Variants in TENM3 observed in about 807,000 individuals in gnomAD.
TENM3 encodes the protein teneurin-3.
Under a neutral mutation model 255.1 loss-of-function variants are expected in TENM3, and 63 were observed. The ratio of observed to expected loss-of-function variants is 0.25; its 90% CI spans 0.20 to 0.30. The LOEUF is 0.30. Among genes scored for constraint, TENM3 ranks in the 10% least tolerant of loss-of-function variants. The pLI is 1.00. For synonymous variants in TENM3, 1,306 were observed against 1,322.3 expected, an observed-to-expected ratio of 0.99 and a Z score of 0.27; for missense variants, 2,929 against 3,461.1, an observed-to-expected ratio of 0.85 and a Z score of 3.86.
the TENM3 span, among the ~76,000 whole-genome samples, chr4:181,867,809 A>G: frequency 6.6e-6 from 1 of 152,182 alleles, no homozygotes; most frequent in Admixed American, 6.5e-5. Context: ...CTGCCGCAAA[A>G]TTGAGAGAGA....
At chr4:181,587,711 A>G in the TENM3 span, among the ~76,000 whole-genome samples, 1 of 152,192 alleles carries the variant, frequency 6.6e-6, no homozygotes, top group Admixed American at 6.5e-5. Flanking sequence ...GATTTCTTCA[A>G]TCTGGGCACC....
At chr4:181,991,309 T>C in the TENM3 span, among the ~76,000 whole-genome samples, 2 of 152,112 alleles carry the variant, frequency 1.3e-5, no homozygotes, top group Non-Finnish European at 1.5e-5. Context: ...GCAGCAAAAA[T>C]TGATGAAGCC....
At chr4:182,314,334 G>A (rs1762628910) in intron 1 of TENM3, among the ~76,000 whole-genome samples, 1 of 151,982 alleles carries the variant, frequency 6.6e-6, no homozygotes, top group African/African-American at 2.4e-5. Flanking sequence ...GCTACGTGTT[G>A]TGTATTCCTG....
intron 5 of TENM3, among the ~76,000 whole-genome samples, chr4:182,630,189 GACGGTCAA>G (rs1249330010): frequency 6.6e-6 from 1 of 152,006 alleles, no homozygotes; most frequent in African/African-American, 2.4e-5. Context: ...TCCTTATAAA[GACGGTCAA>G]ACCAGATACT....
intron 1 of TENM3, among the ~76,000 whole-genome samples, chr4:182,277,352 G>A (rs928485024): frequency 6.8e-6 from 1 of 146,826 alleles, no homozygotes; most frequent in Admixed American, 6.8e-5. Flanking sequence ...GTTGGGGGGT[G>A]GGGGTTGTTG....
intron 3 of TENM3, among the ~76,000 whole-genome samples, chr4:182,489,817 C>A (rs991947638): frequency 1.4e-5 from 2 of 144,180 alleles, no homozygotes; most frequent in Non-Finnish European, 3.0e-5. Context: ...CCTGTTCCTT[C>A]CCTCCCTCCC....
the TENM3 span, among the ~76,000 whole-genome samples, chr4:181,600,243 GT>G: frequency 1.3e-5 from 2 of 152,184 alleles, no homozygotes; most frequent in Admixed American, 1.3e-4. Flanking sequence ...TTGTTTCCAG[GT>G]TTTTGCTATT....
the TENM3 span, among the ~76,000 whole-genome samples, chr4:181,775,161 C>T: frequency 5.9e-5 from 9 of 152,096 alleles, no homozygotes; most frequent in South Asian, 2.1e-4. Flanking sequence ...CCATACAGGG[C>T]CGTGACTCTC....
At chr4:182,447,661 A>G (rs1248662880) in intron 3 of TENM3, among the ~76,000 whole-genome samples, 1 of 152,210 alleles carries the variant, frequency 6.6e-6, no homozygotes, top group East Asian at 1.9e-4. Context: ...GTCTGTATTT[A>G]GAAGGTAGTT....
the TENM3 span, among the ~76,000 whole-genome samples, chr4:181,761,026 T>C: frequency 7.2e-6 from 1 of 138,416 alleles, no homozygotes; most frequent in South Asian, 2.3e-4. Context: ...CGAATAATCA[T>C]TTTGGTAAGT....
chr4:182,137,332 CT>C, the TENM3 span, among the ~76,000 whole-genome samples: 59,291 of 127,906 alleles, frequency 0.46, 11,782 homozygotes, highest in East Asian at 0.58. Context: ...TCTCTGCCAC[CT>C]CCCCCCCCCC....
intron 1 of TENM3, among the ~76,000 whole-genome samples, chr4:182,203,421 A>G (rs967415248): frequency 2.0e-5 from 3 of 152,096 alleles, no homozygotes; most frequent in Admixed American, 6.5e-5. Flanking sequence ...CCAGTCCCCA[A>G]AGTGGTAGAA....
In TENM3 at chr4:182,646,688, G is replaced by T. The variant is rs766675895; in HGVS notation, c.989-7083G>T. 5.2e-4 allele frequency among the ~76,000 whole-genome samples: 79 copies of T among 152,298 alleles called. No individual in the cohort carries two copies. The Middle Eastern group carries it at 0.01, about 20-fold the overall frequency. ...ACCCAGGAGGTGGAGGCTGCAGTGAGCCGGGATTGCGCCACTGCATTCCAG... is the reference window on the plus strand; with the variant it reads ...ACCCAGGAGGTGGAGGCTGCAGTGATCCGGGATTGCGCCACTGCATTCCAG... On this transcript the variant is annotated intron_variant, in intron 5 of 27. Coordinates refer to ENST00000511685, the MANE Select transcript of TENM3 (RefSeq NM_001080477.4).
At chr4:182,700,314 G>A (rs756906588) in intron 12 of TENM3, among the ~76,000 whole-genome samples, 3 of 152,204 alleles carry the variant, frequency 2.0e-5, no homozygotes, top group Non-Finnish European at 2.9e-5. Flanking sequence ...CACATGGTAT[G>A]TTGTTATCTT....
chr4:181,467,912 T>C, the TENM3 span, among the ~76,000 whole-genome samples: 1 of 152,156 alleles, frequency 6.6e-6, no homozygotes, highest in Non-Finnish European at 1.5e-5. Context: ...GTTAAAGATT[T>C]TCCAGAATAA....
chr4:181,858,493 G>A, the TENM3 span, among the ~76,000 whole-genome samples: 1 of 152,080 alleles, frequency 6.6e-6, no homozygotes, highest in African/African-American at 2.4e-5. Context: ...ATCCAGTGCC[G>A]GACAATACAA....
chr4:181,490,652 T>C, the TENM3 span, among the ~76,000 whole-genome samples: 2 of 152,186 alleles, frequency 1.3e-5, no homozygotes, highest in African/African-American at 4.8e-5. Flanking sequence ...ATATTCGTCA[T>C]GAGTACAGAA....
intron 1 of TENM3, among the ~76,000 whole-genome samples, chr4:182,181,890 T>C (rs1295845987): frequency 2.2e-5 from 3 of 138,244 alleles, no homozygotes; most frequent in African/African-American, 7.9e-5. Flanking sequence ...GCTAATGTCC[T>C]GTTTTTTTTT....
chr4:181,968,844 T>G, the TENM3 span, among the ~76,000 whole-genome samples: 1 of 152,122 alleles, frequency 6.6e-6, no homozygotes, highest in Admixed American at 6.6e-5. Context: ...TAAATTTTTT[T>G]AAAAATTGGA....
Sources: allele counts gnomAD v4.1 joint callset (sites outside exome capture counted in the v4.1 genomes callset), GRCh38; gene constraint gnomAD v4.1.1; transcripts MANE v1.5; gene names NCBI Gene and HGNC (gene_info 2026-07-23, HGNC 2026-07-21).